SPAG16: variants seen among roughly 807,000 people sequenced by gnomAD.
The protein encoded by SPAG16 is sperm-associated antigen 16 protein.
A neutral mutation model predicts 80.4 loss-of-function variants in SPAG16; 86 were observed. The observed-to-expected ratio is 1.07, with a 90% CI of 0.90 to 1.28. The LOEUF is 1.28. SPAG16 is among the 50% of genes most tolerant of loss of function. SPAG16 has a pLI of 0.00. For synonymous variants in SPAG16, 294 were observed against 265.9 expected, an observed-to-expected ratio of 1.11 and a Z score of -1.03; for missense variants, 870 against 765.3, an observed-to-expected ratio of 1.14 and a Z score of -1.61.
chr2:213,403,137 G>A (rs1468933950), intron 9 of SPAG16, among the ~76,000 whole-genome samples: 1 of 152,038 alleles, frequency 6.6e-6, no homozygotes, highest in Admixed American at 6.6e-5. Context: ...GTGTGAGATG[G>A]TATCTCATTG....
chr2:214,047,182 A>C (rs13401312), intron 13 of SPAG16, among the ~76,000 whole-genome samples: 25,045 of 152,130 alleles, frequency 0.16, 2,628 homozygotes, highest in East Asian at 0.51. Flanking sequence ...TAGAAAAAAC[A>C]GTCCTAATAT....
chr2:213,376,058 A>C (rs1318760327), intron 9 of SPAG16, among the ~76,000 whole-genome samples: 1 of 151,350 alleles, frequency 6.6e-6, no homozygotes, highest in African/African-American at 2.4e-5. Context: ...AATAAAAACT[A>C]ATCACTTTTT....
intron 4 of SPAG16, among the ~76,000 whole-genome samples, chr2:213,316,621 T>C (rs1161000513): frequency 6.6e-6 from 1 of 152,002 alleles, no homozygotes; most frequent in Non-Finnish European, 1.5e-5. Context: ...TTCCAGACAC[T>C]CCAGGTACCC....
intron 13 of SPAG16, among the ~76,000 whole-genome samples, chr2:214,100,563 T>G (rs914328158): frequency 6.6e-6 from 1 of 152,064 alleles, no homozygotes; most frequent in Non-Finnish European, 1.5e-5. Flanking sequence ...GGCCCTGATG[T>G]CTTTTGTTCC....
At chr2:214,083,427 G>A (rs1181942847) in intron 13 of SPAG16, among the ~76,000 whole-genome samples, 2 of 152,088 alleles carry the variant, frequency 1.3e-5, no homozygotes, top group African/African-American at 4.8e-5. Flanking sequence ...GGCTATGTGG[G>A]TAAGCCATTC....
intron 10 of SPAG16, among the ~76,000 whole-genome samples, chr2:213,683,747 T>C (rs1428639447): frequency 6.6e-6 from 1 of 152,206 alleles, no homozygotes; most frequent in African/African-American, 2.4e-5. Flanking sequence ...TTAATACTGA[T>C]TCTGTATGCA....
At chr2:214,342,798 A>G (rs1229137380) in intron 15 of SPAG16, among the ~76,000 whole-genome samples, 1 of 152,150 alleles carries the variant, frequency 6.6e-6, no homozygotes, top group Non-Finnish European at 1.5e-5. Context: ...AAAGAATGCA[A>G]TCTATTTGGC....
chr2:213,679,714 T>A (rs973909990), intron 10 of SPAG16, among the ~76,000 whole-genome samples: 1 of 152,208 alleles, frequency 6.6e-6, no homozygotes, highest in African/African-American at 2.4e-5. Context: ...GCATGATACT[T>A]TAAATTTTTA....
intron 10 of SPAG16, among the ~76,000 whole-genome samples, chr2:213,672,859 GTTTTT>G (rs750046794): frequency 8.0e-6 from 1 of 124,420 alleles, no homozygotes; most frequent in Non-Finnish European, 1.7e-5. Context: ...TATTTTGTTT[GTTTTT>G]TTTTTTTTTT....
intron 9 of SPAG16, among the ~76,000 whole-genome samples, chr2:213,410,933 G>A (rs573996805): frequency 2.0e-5 from 3 of 152,310 alleles, no homozygotes; most frequent in East Asian, 1.9e-4. Flanking sequence ...TCCAGCTTCC[G>A]TCTCCCAACA....
intron 9 of SPAG16, among the ~76,000 whole-genome samples, chr2:213,417,336 C>A (rs1403686686): frequency 6.6e-6 from 1 of 152,180 alleles, no homozygotes; most frequent in Non-Finnish European, 1.5e-5. Flanking sequence ...AATGCCAGGA[C>A]TTCTGACAAC....
rs1211153640 is a variant in SPAG16, at chr2:213,973,103, G to A, written c.1401-40848G>A. On this transcript the variant is annotated intron_variant, in intron 12 of 15. Transcript: ENST00000331683. ...GGCCCAACCTTTACTTCCTACTTGTGCTGAGTGTGGACATCAGCCAATGAT... is the reference window on the plus strand; with the variant it reads ...GGCCCAACCTTTACTTCCTACTTGTACTGAGTGTGGACATCAGCCAATGAT... 3.3e-5 allele frequency among the ~76,000 whole-genome samples: 5 copies of A among 152,298 alleles called. No homozygotes were observed. In the East Asian group the frequency reaches 5.8e-4, roughly 18 times the overall value.
intron 10 of SPAG16, among the ~76,000 whole-genome samples, chr2:213,665,517 A>G (rs925953929): frequency 3.3e-5 from 5 of 152,078 alleles, no homozygotes; most frequent in Non-Finnish European, 7.4e-5. Flanking sequence ...ATTTCTACTA[A>G]TTGGTCTGAG....
chr2:213,634,499 C>T lies in SPAG16; in HGVS notation c.1070+144409C>T, dbSNP rs548506335. ...ATAATACTGTGTGTTTTCCTGTGTA[C>T]TTACTATTACCAGTGAGTTTCATAC... On this transcript the variant is annotated intron_variant, in intron 10 of 15. Transcript: ENST00000331683. 2.0e-4 allele frequency among the ~76,000 whole-genome samples: 31 copies of T among 152,262 alleles called. No homozygotes were observed. In the South Asian group the frequency reaches 6.0e-3, roughly 29 times the overall value.
chr2:214,112,826 A>C (rs539832383), intron 14 of SPAG16, among the ~76,000 whole-genome samples: 2 of 152,082 alleles, frequency 1.3e-5, no homozygotes, highest in South Asian at 4.2e-4. Context: ...TTTACATTTA[A>C]GGTTAATATT....
intron 15 of SPAG16, among the ~76,000 whole-genome samples, chr2:214,339,556 C>A (rs1412326058): frequency 6.6e-6 from 1 of 152,198 alleles, no homozygotes; most frequent in Non-Finnish European, 1.5e-5. Flanking sequence ...GGGAGCTTCT[C>A]AGGAGTAGAA....
intron 11 of SPAG16, among the ~76,000 whole-genome samples, chr2:213,892,036 AC>A (rs1394266272): frequency 6.6e-6 from 1 of 152,162 alleles, no homozygotes; most frequent in Admixed American, 6.6e-5. Flanking sequence ...TCATCCCCAG[AC>A]CTGGAAAATG....
rs184508867 is a variant in SPAG16, at chr2:213,945,979, T to A, written c.1400+15834T>A. On this transcript the variant is annotated intron_variant, in intron 12 of 15. Coordinates refer to ENST00000331683, the MANE Select transcript of SPAG16 (RefSeq NM_024532.5). ...TTTCTTGCAAATATAAATGTAGCATTGTTATATTTTTACCATATTTTATAT... is the reference window on the plus strand; with the variant it reads ...TTTCTTGCAAATATAAATGTAGCATAGTTATATTTTTACCATATTTTATAT... Among the ~76,000 whole-genome samples, 7 of 152,336 alleles carry A rather than the reference T, an allele frequency of 4.6e-5. No individual in the cohort carries two copies. In the East Asian group the frequency reaches 9.6e-4, roughly 21 times the overall value.
chr2:214,054,202 G>T (rs937647756), intron 13 of SPAG16, among the ~76,000 whole-genome samples: 1 of 152,066 alleles, frequency 6.6e-6, no homozygotes, highest in African/African-American at 2.4e-5. Flanking sequence ...TATAGACGGG[G>T]TTTTGCCGTA....
Sources: allele counts gnomAD v4.1 joint callset (sites outside exome capture counted in the v4.1 genomes callset), GRCh38; gene constraint gnomAD v4.1.1; transcripts MANE v1.5; gene names NCBI Gene and HGNC (gene_info 2026-07-23, HGNC 2026-07-21).